The following SEMA3A variants were observed in gnomAD, a reference collection of about 807,000 sequenced individuals.
SEMA3A encodes the protein semaphorin-3A.
SEMA3A carries 29 observed loss-of-function variants against 97.9 expected under a neutral mutation model. The observed-to-expected ratio is 0.30, with a 90% CI of 0.22 to 0.40. The LOEUF is 0.40. SEMA3A is among the 10% of genes least tolerant of loss of function. The pLI is 1.00. For missense variants in SEMA3A, 763 were observed against 951.3 expected (o/e 0.80, Z 2.60); for synonymous variants, 321 against 323.7 (o/e 0.99, Z 0.09).
intron 3 of SEMA3A, among the ~76,000 whole-genome samples, chr7:84,243,653 A>G (rs1036495567): frequency 6.6e-6 from 1 of 151,936 alleles, no homozygotes; most frequent in Non-Finnish European, 1.5e-5. Context: ...TATCTCCTTC[A>G]GTTCTGCTCT....
chr7:84,393,222 A>T lies in SEMA3A; in HGVS notation c.-245-21322T>A, dbSNP rs116818162. Among the ~76,000 whole-genome samples, 397 of 152,254 alleles carry T rather than the reference A, an allele frequency of 2.6e-3. 5 individuals carry two copies. The highest frequency in any genetic ancestry group is 9.4e-3 in the African/African-American group (389 of 41,562). Reference sequence around the variant, plus strand: ...TAATCAATTTTGAGTGGATTTGTGTATATGGTGTGAGATAAGGGTCCAATT... The same window carrying T: ...TAATCAATTTTGAGTGGATTTGTGTTTATGGTGTGAGATAAGGGTCCAATT... On this transcript the variant is annotated intron_variant, in intron 1 of 3. Coordinates refer to the SEMA3A transcript ENST00000424555.
In SEMA3A at chr7:84,024,141, C is replaced by G. The variant is rs1022675499; in HGVS notation, c.668-9790G>C. Among the ~76,000 whole-genome samples, 10 of 152,166 alleles carry G rather than the reference C, an allele frequency of 6.6e-5. No individual in the cohort carries two copies. In the South Asian group the frequency reaches 1.9e-3, roughly 28 times the overall value. On this transcript the variant is annotated intron_variant, in intron 6 of 16. Transcript: ENST00000265362. The stretch of plus-strand genomic sequence containing the variant: ...TTTCAGAAAGCAACATAAAAAGAAG[C>G]AAGTATTTCCTTCACTGTACTTATA...
At chr7:83,994,562 G>C (rs1008585716) in intron 12 of SEMA3A, among the ~76,000 whole-genome samples, 1 of 136,856 alleles carries the variant, frequency 7.3e-6, no homozygotes, top group Non-Finnish European at 1.6e-5. Flanking sequence ...CAGGTCTGTT[G>C]GAATACCCTG....
chr7:84,071,056 C>A (rs998455535), intron 4 of SEMA3A, among the ~76,000 whole-genome samples: 9 of 151,990 alleles, frequency 5.9e-5, no homozygotes, highest in Admixed American at 2.6e-4. Context: ...CAAATTTATC[C>A]ATAATTTACT....
chr7:84,055,648 C>G (rs1278229473), intron 5 of SEMA3A, among the ~76,000 whole-genome samples: 1 of 152,210 alleles, frequency 6.6e-6, no homozygotes, highest in Non-Finnish European at 1.5e-5. Flanking sequence ...GATGGAAATG[C>G]AGAAATCACC....
intron 7 of SEMA3A, among the ~76,000 whole-genome samples, chr7:84,013,883 G>T (rs1790986502): frequency 6.6e-6 from 1 of 152,072 alleles, no homozygotes; most frequent in South Asian, 2.1e-4. Flanking sequence ...ACAAGGTATA[G>T]AAAACTGTGC....
At chr7:84,372,162 TTG>T (rs1802992388) in intron 1 of SEMA3A, 1 of 152,038 alleles carries the variant, frequency 6.6e-6, no homozygotes, top group South Asian at 2.1e-4. Context: ...TTTCCACTAT[TTG>T]TGTGTGTAAA....
chr7:84,163,964 G>C (rs1406598165), intron 1 of SEMA3A, among the ~76,000 whole-genome samples: 8 of 151,460 alleles, frequency 5.3e-5, no homozygotes, highest in Non-Finnish European at 1.5e-5. Context: ...TCCTGCCTCA[G>C]CCTCCCAAGT....
intron 6 of SEMA3A, among the ~76,000 whole-genome samples, chr7:84,014,913 C>T (rs757285406): frequency 7.9e-5 from 12 of 152,040 alleles, no homozygotes; most frequent in South Asian, 2.1e-4. Flanking sequence ...CTCTCACACC[C>T]AACATTCTAT....
At chr7:84,102,316 A>G (rs116949692) in intron 4 of SEMA3A, among the ~76,000 whole-genome samples, 51 of 152,258 alleles carry the variant, frequency 3.3e-4, no homozygotes, top group African/African-American at 9.9e-4. Context: ...TTTTTTACAA[A>G]TCATGGTAAT....
intron 1 of SEMA3A, among the ~76,000 whole-genome samples, chr7:84,173,247 A>G (rs957341237): frequency 5.9e-5 from 9 of 151,764 alleles, no homozygotes; most frequent in African/African-American, 1.9e-4. Context: ...CTTCTATTGA[A>G]CCCTCTGAAT....
intron 1 of SEMA3A, among the ~76,000 whole-genome samples, chr7:84,406,103 T>A (rs1214571780): frequency 6.6e-6 from 1 of 152,010 alleles, no homozygotes; most frequent in Non-Finnish European, 1.5e-5. Flanking sequence ...AATCAATGAA[T>A]CCAGGAGCTG....
intron 1 of SEMA3A, among the ~76,000 whole-genome samples, chr7:84,187,350 T>C (rs941206075): frequency 5.3e-5 from 8 of 152,208 alleles, no homozygotes; most frequent in African/African-American, 1.9e-4. Context: ...CTTTCTTTTC[T>C]GGCTGTATAT....
chr7:84,049,240 T>C (rs1792490046), intron 5 of SEMA3A, among the ~76,000 whole-genome samples: 3 of 152,070 alleles, frequency 2.0e-5, no homozygotes. Flanking sequence ...TAGATGATTT[T>C]ATTGAACTGG....
rs543845305 is a variant in SEMA3A at position 84,028,667 on chromosome 7, C to T, written c.668-14316G>A. Among the ~76,000 whole-genome samples, 489 of 152,312 alleles carry T rather than the reference C, an allele frequency of 3.2e-3. 3 individuals carry two copies. Among genetic ancestry groups the T allele is most frequent in the Middle Eastern group, 6.8e-3 (2 of 294 alleles). On this transcript the variant is annotated intron_variant, in intron 6 of 16. Transcript: ENST00000265362. ...TTGACCAGGCTGGAGTGCAGTGGCACGATCTCGGCTGACTGAAACCTCTGC... is the reference window on the plus strand; with the variant it reads ...TTGACCAGGCTGGAGTGCAGTGGCATGATCTCGGCTGACTGAAACCTCTGC...
At chr7:84,221,892 G>A (rs1045575050) in intron 3 of SEMA3A, among the ~76,000 whole-genome samples, 3 of 151,834 alleles carry the variant, frequency 2.0e-5, no homozygotes, top group East Asian at 1.9e-4. Flanking sequence ...TTGAAAAAGC[G>A]GCATCTATAG....
Position 83,957,397 on chromosome 7 carries a change from C to CAT in SEMA3A, c.*3973_*3974insAT, listed in dbSNP as rs1425804174. The CAT allele has an allele frequency of 1.3e-5, 2 of 152,078 alleles. No individual in the cohort carries two copies. The highest frequency in any genetic ancestry group is 4.8e-5 in the African/African-American group (2 of 41,418). 9.4% of individuals were successfully genotyped at this position (152,078 alleles called of 1,614,324 possible). ...GATCTATCAGTGGAATTTACTTGAA[C>CAT]GTGTAGGAAGCTGGTTCTAAAAGGC... On this transcript the variant is annotated 3_prime_UTR_variant, in exon 17 of 17. Coordinates refer to ENST00000265362, the MANE Select transcript of SEMA3A (RefSeq NM_006080.3).
At chr7:84,427,731 G>C (rs1044146710) in intron 1 of SEMA3A, among the ~76,000 whole-genome samples, 3 of 146,554 alleles carry the variant, frequency 2.0e-5, no homozygotes, top group East Asian at 4.0e-4. Context: ...TAGATGCTTT[G>C]AATAAGAGCT....
intron 1 of SEMA3A, among the ~76,000 whole-genome samples, chr7:84,417,910 C>T (rs41396050): frequency 0.028 from 4,325 of 152,142 alleles, 191 homozygotes; most frequent in African/African-American, 0.099. Context: ...AAGTACCAAA[C>T]GCTAGTCTAA....
Sources: allele counts gnomAD v4.1 joint callset (sites outside exome capture counted in the v4.1 genomes callset), GRCh38; gene constraint gnomAD v4.1.1; transcripts MANE v1.5; gene names NCBI Gene and HGNC (gene_info 2026-07-23, HGNC 2026-07-21).